The following SLC4A4 variants were observed in gnomAD, a reference collection of about 807,000 sequenced individuals.
The protein encoded by SLC4A4 is solute carrier family 4 member 4, also known as electrogenic sodium bicarbonate cotransporter 1.
Under a neutral mutation model 111.5 loss-of-function variants are expected in SLC4A4, and 27 were observed. The ratio of observed to expected loss-of-function variants is 0.24; its 90% CI spans 0.18 to 0.33. The LOEUF (loss-of-function observed/expected upper bound fraction) is 0.33, where lower values mean the gene tolerates loss of function less well. Ranked by LOEUF, SLC4A4 falls within the 10% of genes least tolerant of loss-of-function variation. The probability of loss-of-function intolerance (pLI) is 1.00; values close to 1 mark genes in which losing one functional copy is unlikely to be tolerated. For synonymous variants in SLC4A4, 443 were observed against 463.4 expected, an observed-to-expected ratio of 0.96 and a Z score of 0.57; for missense variants, 909 against 1,315.5, an observed-to-expected ratio of 0.69 and a Z score of 4.78.
At chr4:71,122,294 C>T (rs1193911244) in intron 2 of SLC4A4, among the ~76,000 whole-genome samples, 1 of 94,264 alleles carries the variant, frequency 1.1e-5, no homozygotes, top group Non-Finnish European at 2.0e-5. Context: ...GCCTGGAAGA[C>T]AAAAGCAAGA....
At chr4:71,182,617 T>C (rs999355453), upstream of SLC4A4, among the ~76,000 whole-genome samples, 1 of 152,132 alleles carries the variant, frequency 6.6e-6, no homozygotes, top group Non-Finnish European at 1.5e-5. Flanking sequence ...TGTAGGCCCA[T>C]TCAATTCCCA....
intron 2 of SLC4A4, among the ~76,000 whole-genome samples, chr4:71,132,852 G>A (rs1006792522): frequency 7.2e-5 from 11 of 152,092 alleles, no homozygotes; most frequent in African/African-American, 2.7e-4. Context: ...TGTCCTCTTT[G>A]GGATATTAAG....
intron 2 of SLC4A4, among the ~76,000 whole-genome samples, chr4:71,152,176 A>C (rs1744328464): frequency 6.6e-6 from 1 of 152,122 alleles, no homozygotes; most frequent in Non-Finnish European, 1.5e-5. Context: ...CCTACATTAC[A>C]TGTTTTCTGT....
intron 3 of SLC4A4, among the ~76,000 whole-genome samples, chr4:71,268,075 GTTTTTTTTTT>G (rs10657146): frequency 1.1e-5 from 1 of 87,586 alleles, no homozygotes; most frequent in East Asian, 4.0e-4. Flanking sequence ...ATAAAGTAGT[GTTTTTTTTTT>G]TTTTTTTTTT....
intron 20 of SLC4A4, among the ~76,000 whole-genome samples, chr4:71,548,977 T>G (rs919777548): frequency 2.6e-5 from 4 of 151,978 alleles, no homozygotes; most frequent in African/African-American, 7.2e-5. Flanking sequence ...TCTTTTTTCC[T>G]TGGTTTCCAC....
At chr4:71,188,446 G>A (rs1745591182) in intron 1 of SLC4A4, among the ~76,000 whole-genome samples, 1 of 152,106 alleles carries the variant, frequency 6.6e-6, no homozygotes, top group East Asian at 1.9e-4. Context: ...TTCCTGGTTC[G>A]CTTCAGTGCC....
intron 1 of SLC4A4, among the ~76,000 whole-genome samples, chr4:71,068,133 C>T (rs1406215283): frequency 2.9e-5 from 4 of 139,164 alleles, no homozygotes; most frequent in South Asian, 2.2e-4. Flanking sequence ...GGCATGATCT[C>T]GGCTCACTGC....
chr4:71,498,518 T>C (rs1035311567), intron 16 of SLC4A4, among the ~76,000 whole-genome samples: 7 of 152,148 alleles, frequency 4.6e-5, no homozygotes, highest in African/African-American at 1.7e-4. Flanking sequence ...TCTTGCATTA[T>C]ATGTAAAAGG....
chr4:71,506,284 C>T (rs1731409842), intron 16 of SLC4A4, among the ~76,000 whole-genome samples: 1 of 152,098 alleles, frequency 6.6e-6, no homozygotes, highest in Non-Finnish European at 1.5e-5. Flanking sequence ...GCAGTATGGC[C>T]ATTTTAACAT....
intron 1 of SLC4A4, among the ~76,000 whole-genome samples, chr4:71,235,411 C>T (rs1428568953): frequency 6.6e-6 from 1 of 152,134 alleles, no homozygotes; most frequent in African/African-American, 2.4e-5. Flanking sequence ...ATATTCAATG[C>T]CTGAGCATAT....
chr4:71,436,454 T>C (rs1389658392), intron 7 of SLC4A4, among the ~76,000 whole-genome samples: 2 of 152,160 alleles, frequency 1.3e-5, no homozygotes, highest in African/African-American at 4.8e-5. Context: ...AAATGCCTAA[T>C]GTAGATGACA....
At chr4:71,555,243 G>A in intron 21 of SLC4A4, 35 bp downstream of exon 21, 1 of 1,343,086 alleles carries the variant, frequency 7.4e-7, no homozygotes, top group Non-Finnish European at 1.1e-6. Context: ...GTACAGTAGT[G>A]TTTTTCTAGT....
At chr4:71,443,116 C>CTCTCTATATATATATATATA (rs1198759861) in intron 8 of SLC4A4, among the ~76,000 whole-genome samples, 1 of 65,654 alleles carries the variant, frequency 1.5e-5, no homozygotes, top group Non-Finnish European at 2.6e-5. Flanking sequence ...CTCTCTCTCT[C>CTCTCTATATATATATATATA]TATATATATA....
chr4:71,566,877 T>C lies in SLC4A4; in HGVS notation c.3197-127T>C, dbSNP rs556183592. ...AGTCTTAGCTTAATACCTTGTTTAT[T>C]GAAATGCCTAAACTTGTCTTTTTTA... On this transcript the variant is annotated intron_variant, in intron 24 of 25. Transcript: ENST00000264485. 4.3e-5 allele frequency: 29 copies of C among 667,596 alleles called. No individual in the cohort carries two copies. The South Asian group carries it at 4.9e-4, about 11-fold the overall frequency. The allele number at this position is 667,596 out of a possible 1,614,324, so 41.4% of individuals were successfully genotyped here.
At chr4:71,385,918 A>C (rs1457854596) in intron 6 of SLC4A4, among the ~76,000 whole-genome samples, 3 of 152,046 alleles carry the variant, frequency 2.0e-5, no homozygotes, top group Non-Finnish European at 4.4e-5. Flanking sequence ...TGGAGACCAT[A>C]TATCTCTTTT....
chr4:71,099,037 T>C (rs1340279017), intron 2 of SLC4A4, among the ~76,000 whole-genome samples: 1 of 152,100 alleles, frequency 6.6e-6, no homozygotes. Context: ...ACTGACAGTA[T>C]TAGATAGATC....
At chr4:71,365,862 CT>C (rs1731203361) in intron 6 of SLC4A4, among the ~76,000 whole-genome samples, 1 of 152,110 alleles carries the variant, frequency 6.6e-6, no homozygotes, top group South Asian at 2.1e-4. Flanking sequence ...ATATAAATAA[CT>C]TGTCTAAGCA....
rs916144109 is a variant in SLC4A4 at position 71,103,112 on chromosome 4, G to A, written c.-2+10320G>A. Among the ~76,000 whole-genome samples the A allele has an allele frequency of 3.0e-3, 450 of 151,700 alleles. 2 individuals carry two copies. The highest frequency in any genetic ancestry group is 0.01 in the African/African-American group (433 of 41,340). ...AAATGGAAAACAAAAAAAGGCAGGGGTTGCAATCCTAGTTTCTGATAAAAC... is the reference window on the plus strand; with the variant it reads ...AAATGGAAAACAAAAAAAGGCAGGGATTGCAATCCTAGTTTCTGATAAAAC... On this transcript the variant is annotated intron_variant, in intron 2 of 26. Transcript: ENST00000649996.
intron 7 of SLC4A4, among the ~76,000 whole-genome samples, chr4:71,398,402 T>A (rs1023190882): frequency 6.6e-6 from 1 of 152,198 alleles, no homozygotes; most frequent in African/African-American, 2.4e-5. Flanking sequence ...TTTGTTTGTC[T>A]ATTAAAACAT....
Sources: allele counts gnomAD v4.1 joint callset (sites outside exome capture counted in the v4.1 genomes callset), GRCh38; gene constraint gnomAD v4.1.1; transcripts MANE v1.5; gene names NCBI Gene and HGNC (gene_info 2026-07-23, HGNC 2026-07-21).